CPN1: variants seen among roughly 807,000 people sequenced by gnomAD.
CPN1 encodes carboxypeptidase N subunit 1, also known as carboxypeptidase N catalytic chain.
CPN1 carries 37 observed loss-of-function variants against 46.4 expected under a neutral mutation model. The ratio of observed to expected loss-of-function variants is 0.80; its 90% CI spans 0.61 to 1.05. The LOEUF is 1.05. Ranked by LOEUF, CPN1 falls within the 50% of genes least tolerant of loss-of-function variation. The probability of loss-of-function intolerance (pLI) is 0.00; values close to 1 mark genes in which losing one functional copy is unlikely to be tolerated. For synonymous variants in CPN1, 224 were observed against 235.4 expected, an observed-to-expected ratio of 0.95 and a Z score of 0.44; for missense variants, 563 against 602.6, an observed-to-expected ratio of 0.93 and a Z score of 0.69.
At chr10:100,077,951 C>T (rs997254652) in intron 1 of CPN1, among the ~76,000 whole-genome samples, 1 of 152,158 alleles carries the variant, frequency 6.6e-6, no homozygotes, top group African/African-American at 2.4e-5. Flanking sequence ...ATCTGTAAGT[C>T]TGGGAACCAC....
At chr10:100,046,826 C>T (rs923223685) in intron 8 of CPN1, among the ~76,000 whole-genome samples, 1 of 151,892 alleles carries the variant, frequency 6.6e-6, no homozygotes, top group Non-Finnish European at 1.5e-5. Flanking sequence ...GTAATCCTAG[C>T]ACTTTGGGAG....
chr10:100,079,428 T>G (rs2041532182), intron 1 of CPN1, among the ~76,000 whole-genome samples: 1 of 152,166 alleles, frequency 6.6e-6, no homozygotes, highest in African/African-American at 2.4e-5. Flanking sequence ...AGGGCTAGAG[T>G]CCTGTGAAAA....
In CPN1 at chr10:100,081,522, A is replaced by T; in HGVS notation, c.104T>A (p.Leu35Gln). The T allele has an allele frequency of 6.2e-7, 1 of 1,614,190 alleles. No homozygotes were observed. The highest frequency in any genetic ancestry group is 8.5e-7 in the Non-Finnish European group (1 of 1,180,040). ...HHRYDDLVRTLYKVQNECPGI... is the reference protein window; with the variant it reads ...HHRYDDLVRTQYKVQNECPGI... ...GGGGCATTCGTTTTGCACCTTGTAC[A>T]GCGTCCGCACAAGATCATCATAGCG... is the stretch of plus-strand genomic sequence containing the variant. The change falls in exon 1 of 9, where the codon CTG becomes CAG. Residue 35 changes from leucine to glutamine, a missense_variant. Physicochemically the swap from Leu to Gln is moderately radical, Grantham distance 113 (BLOSUM62 -2). Transcript: ENST00000370418.
At chr10:100,046,155 C>A (rs1019190358) in intron 8 of CPN1, among the ~76,000 whole-genome samples, 2 of 152,144 alleles carry the variant, frequency 1.3e-5, no homozygotes, top group Non-Finnish European at 1.5e-5. Context: ...TGGCTTTTTG[C>A]GGCATGAGTG....
Position 100,057,059 on chromosome 10 carries a change from C to T in CPN1, c.965G>A (p.Arg322Gln), listed in dbSNP as rs777411784. ...GGCTTCCCGATTACCCAGCCACTCC[C>T]GCTGTAACTCCTCTTCGGGGGGAAA... ...DKFPPEEELQREWLGNREALI... is the reference protein window; with the variant it reads ...DKFPPEEELQQEWLGNREALI... Residue 322 changes from arginine (R) to glutamine (Q), a missense_variant, in exon 6 of 9, where the codon CGG becomes CAG. Physicochemically the swap from Arg to Gln is conservative, Grantham distance 43. Transcript: ENST00000370418. 32 of 1,614,020 alleles carry T rather than the reference C, an allele frequency of 2.0e-5. No individual in the cohort carries two copies. The highest frequency in any genetic ancestry group is 4.5e-5 in the East Asian group (2 of 44,888).
Position 100,049,343 on chromosome 10 carries a change from A to AC in CPN1, c.1112-468dup, listed in dbSNP as rs530568849. On this transcript the variant is annotated intron_variant, in intron 7 of 8. Coordinates refer to ENST00000370418, the MANE Select transcript of CPN1 (RefSeq NM_001308.3). ...AGTGGTATGATCTCAGCTCACTGCA[A>AC]CCCCTACCTCCTGGGTTCAAGCAAT... Among the ~76,000 whole-genome samples, 50 of 149,056 alleles carry AC rather than the reference A, an allele frequency of 3.4e-4. No individual in the cohort carries two copies. The South Asian group carries it at 5.5e-3, about 17-fold the overall frequency.
chr10:100,055,251 T>G (rs1451609252), intron 6 of CPN1, among the ~76,000 whole-genome samples: 1 of 151,660 alleles, frequency 6.6e-6, no homozygotes, highest in Admixed American at 6.6e-5. Context: ...AAAAAAAAAT[T>G]TGTAATGTTG....
At chr10:100,051,974 C>T (rs2041357061) in intron 7 of CPN1, among the ~76,000 whole-genome samples, 1 of 151,960 alleles carries the variant, frequency 6.6e-6, no homozygotes, top group African/African-American at 2.4e-5. Flanking sequence ...GATTTCGGCT[C>T]ACTGCAACCT....
At chr10:100,053,122 A>C (rs1411199766) in intron 7 of CPN1, among the ~76,000 whole-genome samples, 3 of 152,220 alleles carry the variant, frequency 2.0e-5, no homozygotes, top group African/African-American at 7.2e-5. Flanking sequence ...CATTTGGCTA[A>C]TAGGCTCTGG....
chr10:100,045,008 G>A (rs2041300179), intron 8 of CPN1, among the ~76,000 whole-genome samples: 1 of 152,170 alleles, frequency 6.6e-6, no homozygotes, highest in Non-Finnish European at 1.5e-5. Flanking sequence ...ACCACACCTG[G>A]GCAATATTTT....
At chr10:100,066,453 T>C (rs1211264631) in intron 3 of CPN1, among the ~76,000 whole-genome samples, 1 of 152,220 alleles carries the variant, frequency 6.6e-6, no homozygotes, top group Non-Finnish European at 1.5e-5. Flanking sequence ...ACCTCCTTCC[T>C]CCCTGCTGTA....
At chr10:100,053,575 A>G (rs1253283387) in intron 7 of CPN1, among the ~76,000 whole-genome samples, 1 of 151,858 alleles carries the variant, frequency 6.6e-6, no homozygotes, top group Non-Finnish European at 1.5e-5. Context: ...CAGTGAGATC[A>G]CACCATTGCC....
Position 100,065,383 on chromosome 10 carries a change from G to T in CPN1, c.577-13C>A. The T allele has an allele frequency of 6.2e-7, 1 of 1,614,036 alleles. No individual in the cohort carries two copies. Among genetic ancestry groups the T allele is most frequent in the South Asian group, 1.1e-5 (1 of 91,054 alleles). On this transcript the variant is annotated splice_polypyrimidine_tract_variant and intron_variant, in intron 3 of 8. Transcript: ENST00000370418. ...TCTCGGGTTCCACCTGGGAGGAGGC[G>T]AGAGGTTGGCGGTGAAGGGCCAACT...
In CPN1 at chr10:100,057,075, C is replaced by CG. The variant is rs1564772591; in HGVS notation, c.948dup (p.Glu317ArgfsTer11). On this transcript the variant is annotated frameshift_variant, in exon 6 of 9. Coordinates refer to ENST00000370418, the MANE Select transcript of CPN1 (RefSeq NM_001308.3). LOFTEE classifies it high-confidence loss of function. ...AGCCACTCCCGCTGTAACTCCTCTT[C>CG]GGGGGGAAACTTGTCGCAACTCAGT... 3 of 1,614,088 alleles carry CG rather than the reference C, an allele frequency of 1.9e-6. No homozygotes were observed. The highest frequency in any genetic ancestry group is 2.5e-6 in the Non-Finnish European group (3 of 1,180,002).
intron 3 of CPN1, among the ~76,000 whole-genome samples, chr10:100,067,988 C>T (rs1459418349): frequency 1.3e-5 from 2 of 151,632 alleles, no homozygotes; most frequent in South Asian, 2.1e-4. Flanking sequence ...CCTGTCTCTA[C>T]TAAAAATACA....
At chr10:100,066,231 G>A (rs969862187) in intron 3 of CPN1, among the ~76,000 whole-genome samples, 5 of 152,082 alleles carry the variant, frequency 3.3e-5, no homozygotes, top group Admixed American at 2.6e-4. Flanking sequence ...GATTACAGGC[G>A]TGAGCCACCA....
chr10:100,058,503 T>C (rs958667692), intron 5 of CPN1, among the ~76,000 whole-genome samples: 1 of 152,204 alleles, frequency 6.6e-6, no homozygotes, highest in African/African-American at 2.4e-5. Context: ...ATTATTCAAT[T>C]GAATCAATTA....
intron 6 of CPN1, among the ~76,000 whole-genome samples, chr10:100,056,091 A>G (rs967240716): frequency 6.6e-6 from 1 of 152,176 alleles, no homozygotes; most frequent in African/African-American, 2.4e-5. Context: ...TAATGATTGT[A>G]CCACTTTACA....
chr10:100,080,780 CT>C (rs1469718266), intron 1 of CPN1, among the ~76,000 whole-genome samples: 1 of 152,050 alleles, frequency 6.6e-6, no homozygotes, highest in Admixed American at 6.6e-5. Context: ...GTGGTCCCAG[CT>C]ACCTAGGAGG....
Sources: gnomAD v4.1 joint callset for allele counts (sites outside exome capture counted in the v4.1 genomes callset) on GRCh38, gnomAD v4.1.1 for gene constraint, MANE v1.5 for transcripts, NCBI Gene and HGNC (gene_info 2026-07-23, HGNC 2026-07-21) for gene names.